Variants in SRD5A2 observed in about 807,000 individuals in gnomAD.
SRD5A2 encodes the protein 3-oxo-5-alpha-steroid 4-dehydrogenase 2.
Under a neutral mutation model 27.4 loss-of-function variants are expected in SRD5A2, and 30 were observed. That is an observed-to-expected ratio of 1.10 (90% CI 0.82 to 1.49). SRD5A2 has a LOEUF of 1.49. SRD5A2 is among the 40% of genes most tolerant of loss of function. The pLI, the probability that SRD5A2 is intolerant of heterozygous loss-of-function variation, is 0.00. For synonymous variants in SRD5A2, 141 were observed against 133.6 expected (o/e 1.06, Z -0.38); for missense variants, 348 against 323.4 (o/e 1.08, Z -0.58).
chr2:31,532,404 G>C (rs1167266895), intron 2 of SRD5A2, among the ~76,000 whole-genome samples: 1 of 147,782 alleles, frequency 6.8e-6, no homozygotes, highest in South Asian at 2.2e-4. Flanking sequence ...CACACATTCT[G>C]ACATTAAAAG....
chr2:31,559,264 T>C (rs1222711751), intron 1 of SRD5A2, among the ~76,000 whole-genome samples: 1 of 152,216 alleles, frequency 6.6e-6, no homozygotes, highest in African/African-American at 2.4e-5. Context: ...AAGTTTTCCT[T>C]TCCAGATTTC....
chr2:31,531,582 T>TGAAGGG, intron 2 of SRD5A2, 110 bp from the exon 3 acceptor site: 17 of 732,930 alleles, frequency 2.3e-5, no homozygotes, highest in Non-Finnish European at 3.4e-5. Context: ...TTTCTAAATC[T>TGAAGGG]AAGAATGGTC....
chr2:31,648,626 C>T, the SRD5A2 span, among the ~76,000 whole-genome samples: 1 of 152,196 alleles, frequency 6.6e-6, no homozygotes, highest in Non-Finnish European at 1.5e-5. Context: ...GCAAAAGCTG[C>T]TTCCTCTTAA....
intron 1 of SRD5A2, among the ~76,000 whole-genome samples, chr2:31,542,865 G>A (rs1394248309): frequency 6.6e-6 from 1 of 152,014 alleles, no homozygotes; most frequent in Non-Finnish European, 1.5e-5. Context: ...AGAAAGAAAG[G>A]AGTAGAGAGA....
At chr2:31,649,584 C>T in the SRD5A2 span, among the ~76,000 whole-genome samples, 3 of 151,970 alleles carry the variant, frequency 2.0e-5, no homozygotes, top group Admixed American at 2.0e-4. Context: ...TAGGAAACTA[C>T]TGGGATAACT....
At chr2:31,531,341 G>T in intron 3 of SRD5A2, 30 bp downstream of exon 3, 2 of 1,486,536 alleles carry the variant, frequency 1.3e-6, no homozygotes, top group Non-Finnish European at 1.8e-6. Flanking sequence ...CCAGGGAAGA[G>T]TGAGAGTCTG....
chr2:31,660,250 A>G, the SRD5A2 span, among the ~76,000 whole-genome samples: 8 of 152,234 alleles, frequency 5.3e-5, no homozygotes, highest in East Asian at 1.5e-3. Context: ...GAGCTTGACA[A>G]TATATCCTGC....
chr2:31,572,369 G>T (rs961879402), intron 1 of SRD5A2, among the ~76,000 whole-genome samples: 1 of 152,056 alleles, frequency 6.6e-6, no homozygotes, highest in African/African-American at 2.4e-5. Flanking sequence ...TTATTACTGG[G>T]GTGATGAAAT....
At chr2:31,632,535 C>A in the SRD5A2 span, among the ~76,000 whole-genome samples, 1 of 152,188 alleles carries the variant, frequency 6.6e-6, no homozygotes, top group South Asian at 2.1e-4. Context: ...CCAGCCCATG[C>A]CATCACCCTC....
At chr2:31,537,574 C>T (rs931707691) in intron 1 of SRD5A2, among the ~76,000 whole-genome samples, 2 of 152,166 alleles carry the variant, frequency 1.3e-5, no homozygotes, top group South Asian at 4.1e-4. Flanking sequence ...TCTCATTTTC[C>T]TTTGCTGGTT....
chr2:31,573,576 T>A (rs1666895270), intron 1 of SRD5A2, among the ~76,000 whole-genome samples: 1 of 152,158 alleles, frequency 6.6e-6, no homozygotes, highest in Admixed American at 6.5e-5. Flanking sequence ...TTCCATCTAG[T>A]AACAAAAAAT....
chr2:31,588,764 C>T, the SRD5A2 span, among the ~76,000 whole-genome samples: 1 of 152,180 alleles, frequency 6.6e-6, no homozygotes, highest in East Asian at 1.9e-4. Context: ...ATAACACTAA[C>T]TGCAGTGTGT....
At chr2:31,634,825 A>G in the SRD5A2 span, among the ~76,000 whole-genome samples, 1 of 152,036 alleles carries the variant, frequency 6.6e-6, no homozygotes, top group African/African-American at 2.4e-5. Context: ...TAACATAATG[A>G]CCTCCCATTT....
chr2:31,619,945 T>C, the SRD5A2 span, among the ~76,000 whole-genome samples: 1 of 152,164 alleles, frequency 6.6e-6, no homozygotes. Flanking sequence ...TTAGTTTAAT[T>C]AGATCTCATT....
chr2:31,572,801 G>A (rs372306382), intron 1 of SRD5A2, among the ~76,000 whole-genome samples: 7 of 152,112 alleles, frequency 4.6e-5, no homozygotes, highest in South Asian at 2.1e-4. Context: ...GGGATGTTTC[G>A]TGGTTAGAAA....
intron 1 of SRD5A2, among the ~76,000 whole-genome samples, chr2:31,558,548 C>G (rs1215124965): frequency 6.6e-6 from 1 of 152,188 alleles, no homozygotes; most frequent in South Asian, 2.1e-4. Flanking sequence ...CTTCAGATGG[C>G]CATCGTCCCG....
At chr2:31,592,816 A>G in the SRD5A2 span, among the ~76,000 whole-genome samples, 2 of 152,258 alleles carry the variant, frequency 1.3e-5, no homozygotes, top group African/African-American at 4.8e-5. Context: ...CTGTCCAGCA[A>G]TAGACCCAAA....
the SRD5A2 span, among the ~76,000 whole-genome samples, chr2:31,628,909 CTG>C: frequency 6.6e-6 from 1 of 152,132 alleles, no homozygotes; most frequent in Non-Finnish European, 1.5e-5. Flanking sequence ...AATCCGATGA[CTG>C]TGTGTCTTGG....
the SRD5A2 span, among the ~76,000 whole-genome samples, chr2:31,634,670 C>A: frequency 6.6e-6 from 1 of 151,772 alleles, no homozygotes; most frequent in East Asian, 1.9e-4. Context: ...TCTTTTATTT[C>A]CTTTTATCCT....
Sources: allele counts gnomAD v4.1 joint callset (sites outside exome capture counted in the v4.1 genomes callset), GRCh38; gene constraint gnomAD v4.1.1; transcripts MANE v1.5; gene names NCBI Gene and HGNC (gene_info 2026-07-23, HGNC 2026-07-21).